Variants in NKAIN3 observed in about 807,000 individuals in gnomAD.
NKAIN3 encodes sodium/potassium transporting ATPase interacting 3.
Under a neutral mutation model 30.2 loss-of-function variants are expected in NKAIN3, and 25 were observed. That is an observed-to-expected ratio of 0.83 (90% CI 0.60 to 1.16). NKAIN3 has a LOEUF of 1.16. Ranked by LOEUF, NKAIN3 falls within the 50% of genes most tolerant of loss-of-function variation. The pLI, the probability that NKAIN3 is intolerant of heterozygous loss-of-function variation, is 0.00. For synonymous variants in NKAIN3, 91 were observed against 89.6 expected, an observed-to-expected ratio of 1.02 and a Z score of -0.09; for missense variants, 225 against 254.1, an observed-to-expected ratio of 0.89 and a Z score of 0.78.
chr8:62,767,539 C>T (rs994843583), intron 4 of NKAIN3, among the ~76,000 whole-genome samples: 1 of 149,796 alleles, frequency 6.7e-6, no homozygotes, highest in Non-Finnish European at 1.5e-5. Context: ...TCGATAAACT[C>T]TTTTTTTTTT....
chr8:62,618,320 C>T (rs1239588476), intron 3 of NKAIN3, among the ~76,000 whole-genome samples: 5 of 152,058 alleles, frequency 3.3e-5, no homozygotes, highest in Non-Finnish European at 7.4e-5. Flanking sequence ...GGATGTTTTC[C>T]GGGATGTGAT....
intron 3 of NKAIN3, among the ~76,000 whole-genome samples, chr8:62,647,496 G>A (rs1812501445): frequency 6.6e-6 from 1 of 152,138 alleles, no homozygotes; most frequent in African/African-American, 2.4e-5. Context: ...CTACAGGTGC[G>A]GTGTGGGTTT....
chr8:62,916,414 A>G (rs1822105683), intron 4 of NKAIN3, among the ~76,000 whole-genome samples: 1 of 152,156 alleles, frequency 6.6e-6, no homozygotes, highest in Non-Finnish European at 1.5e-5. Context: ...ATCTATTGTA[A>G]AGTTATTAGT....
At chr8:62,886,382 A>G (rs1821148654) in intron 4 of NKAIN3, among the ~76,000 whole-genome samples, 1 of 151,988 alleles carries the variant, frequency 6.6e-6, no homozygotes, top group African/African-American at 2.4e-5. Context: ...TATTATGAAT[A>G]AGCTATTGTC....
intron 3 of NKAIN3, among the ~76,000 whole-genome samples, chr8:62,735,808 A>C (rs1815644442): frequency 6.6e-6 from 1 of 151,496 alleles, no homozygotes; most frequent in Admixed American, 6.6e-5. Context: ...GCTGCTGTTC[A>C]GATTGTTTTG....
rs540400987 is a variant in NKAIN3 at position 62,662,859 on chromosome 8, T to C, written c.273+73065T>C. 2.6e-5 allele frequency among the ~76,000 whole-genome samples: 4 copies of C among 152,290 alleles called. 1 individual carries two copies. In the South Asian group the frequency reaches 8.3e-4, roughly 32 times the overall value. ...CTGTCCCTCTCTTAAAAAGCATATA[T>C]CTATGACACAAGACATAAATAAGTG... On this transcript the variant is annotated intron_variant, in intron 3 of 6. Transcript: ENST00000623646.
intron 6 of NKAIN3, among the ~76,000 whole-genome samples, chr8:62,963,785 C>T (rs1273500443): frequency 6.6e-6 from 1 of 152,124 alleles, no homozygotes; most frequent in Admixed American, 6.5e-5. Flanking sequence ...CTGGAGGATT[C>T]CCACTCCTGG....
chr8:62,717,101 T>C (rs1470989173), intron 3 of NKAIN3, among the ~76,000 whole-genome samples: 2 of 152,212 alleles, frequency 1.3e-5, no homozygotes. Flanking sequence ...AGAAGTAGCA[T>C]GAATGTTATA....
intron 1 of NKAIN3, among the ~76,000 whole-genome samples, chr8:62,311,976 C>G (rs1240420997): frequency 6.7e-6 from 1 of 149,984 alleles, no homozygotes; most frequent in Non-Finnish European, 1.5e-5. Context: ...ATGCTAGTAT[C>G]GAGAGTGAAT....
intron 4 of NKAIN3, among the ~76,000 whole-genome samples, chr8:62,824,328 G>A (rs560617589): frequency 2.0e-5 from 3 of 152,162 alleles, no homozygotes; most frequent in African/African-American, 7.2e-5. Context: ...TACTACACTA[G>A]CCCTACCTTT....
intron 1 of NKAIN3, among the ~76,000 whole-genome samples, chr8:62,432,828 A>G (rs905589348): frequency 1.4e-4 from 22 of 152,088 alleles, no homozygotes; most frequent in African/African-American, 5.3e-4. Flanking sequence ...ATCACTATGC[A>G]TTTCACACTA....
At chr8:62,385,225 T>A (rs554486258) in intron 1 of NKAIN3, among the ~76,000 whole-genome samples, 34 of 152,324 alleles carry the variant, frequency 2.2e-4, no homozygotes, top group African/African-American at 7.0e-4. Flanking sequence ...ATCATTTCCC[T>A]TTATTGAGTA....
intron 3 of NKAIN3, among the ~76,000 whole-genome samples, chr8:62,646,227 TC>T (rs1812456751): frequency 6.6e-6 from 1 of 150,734 alleles, no homozygotes; most frequent in Non-Finnish European, 1.5e-5. Flanking sequence ...TATCCTCCCA[TC>T]CCCCATACCA....
chr8:62,427,481 G>T (rs1804844105), intron 1 of NKAIN3, among the ~76,000 whole-genome samples: 1 of 152,036 alleles, frequency 6.6e-6, no homozygotes, highest in African/African-American at 2.4e-5. Flanking sequence ...TGTTCTGAAA[G>T]AAAATTGAGA....
At chr8:62,423,711 T>C (rs1752649056) in intron 1 of NKAIN3, among the ~76,000 whole-genome samples, 1 of 152,046 alleles carries the variant, frequency 6.6e-6, no homozygotes, top group South Asian at 2.1e-4. Context: ...CTCCTGAATC[T>C]ACTTCAATCT....
chr8:62,602,802 C>T (rs1380399822), intron 3 of NKAIN3, among the ~76,000 whole-genome samples: 1 of 152,102 alleles, frequency 6.6e-6, no homozygotes, highest in Non-Finnish European at 1.5e-5. Context: ...AATCTCCAAA[C>T]ATGGCAAATT....
chr8:62,712,468 G>A (rs935647483), intron 3 of NKAIN3, among the ~76,000 whole-genome samples: 1 of 152,068 alleles, frequency 6.6e-6, no homozygotes, highest in Non-Finnish European at 1.5e-5. Flanking sequence ...GTGTACCTAG[G>A]AGGATTATGG....
chr8:62,729,504 C>T lies in NKAIN3; in HGVS notation c.274-17428C>T, dbSNP rs947703914. ...AACGTACTCTTACCATATGATCTAG[C>T]AATTGTGCTCCTTGGTATTAACACT... is the stretch of plus-strand genomic sequence containing the variant. On this transcript the variant is annotated intron_variant, in intron 3 of 6. Coordinates refer to ENST00000623646, the MANE Select transcript of NKAIN3 (RefSeq NM_001304533.3). Among the ~76,000 whole-genome samples the T allele has an allele frequency of 2.0e-5, 3 of 152,244 alleles. No individual in the cohort carries two copies. The East Asian group carries it at 5.8e-4, about 29-fold the overall frequency.
chr8:62,872,383 G>A (rs1820673278), intron 4 of NKAIN3, among the ~76,000 whole-genome samples: 1 of 152,170 alleles, frequency 6.6e-6, no homozygotes, highest in South Asian at 2.1e-4. Context: ...TATTCATTTT[G>A]AGCCAAGTAT....
Sources: gnomAD v4.1 joint callset for allele counts (sites outside exome capture counted in the v4.1 genomes callset) on GRCh38, gnomAD v4.1.1 for gene constraint, MANE v1.5 for transcripts, NCBI Gene and HGNC (gene_info 2026-07-23, HGNC 2026-07-21) for gene names.